Variants in KPNA4 observed in about 807,000 individuals in gnomAD.
KPNA4 encodes karyopherin subunit alpha 4.
Under a neutral mutation model 71.3 loss-of-function variants are expected in KPNA4, and 13 were observed. The observed-to-expected ratio is 0.18, with a 90% CI of 0.12 to 0.29. KPNA4 has a LOEUF of 0.29. Ranked by LOEUF, KPNA4 falls within the 10% of genes least tolerant of loss-of-function variation. The probability of loss-of-function intolerance (pLI) is 1.00; values close to 1 mark genes in which losing one functional copy is unlikely to be tolerated. For synonymous variants in KPNA4, 189 were observed against 195.2 expected (o/e 0.97, Z 0.26); for missense variants, 334 against 603.2 (o/e 0.55, Z 4.67).
At chr3:160,511,101 T>A (rs1267944640) in intron 13 of KPNA4, among the ~76,000 whole-genome samples, 2 of 140,702 alleles carry the variant, frequency 1.4e-5, no homozygotes, top group African/African-American at 2.7e-5. Context: ...CAAGCTATTC[T>A]TTTATTTATT....
In KPNA4 at chr3:160,496,851, G is replaced by A. The variant is rs1720774051; in HGVS notation, c.*5253C>T. ...AACTGCTCTTACACCCAGAGCAGTA[G>A]CTGTCAAGTCAATTTTATTGAAAAT... On this transcript the variant is annotated 3_prime_UTR_variant, in exon 17 of 17. Transcript: ENST00000334256. 6.6e-6 allele frequency: 1 copy of A among 152,152 alleles called. No individual in the cohort carries two copies. The highest frequency in any genetic ancestry group is 2.4e-5 in the African/African-American group (1 of 41,432). The allele number at this position is 152,152 out of a possible 1,614,324, so 9.4% of individuals were successfully genotyped here. A position where few individuals can be genotyped will look rare whatever the true frequency, so the allele number is the denominator to read the frequency against.
rs570267066 is a variant in KPNA4 at position 160,508,043 on chromosome 3, G to A, written c.1372+64C>T. ...AAAATATAGATGTGCTATATTAGTC[G>A]GCAAATAAAGGTAGTTACAAAGAGA... On this transcript the variant is annotated intron_variant, in intron 15 of 16. Transcript: ENST00000334256. 7.8e-5 allele frequency: 98 copies of A among 1,252,108 alleles called. No homozygotes were observed. In the African/African-American group the frequency reaches 1.2e-3, roughly 15 times the overall value. The allele number at this position is 1,252,108 out of a possible 1,614,324, so 77.6% of individuals were successfully genotyped here.
chr3:160,530,960 T>C lies in KPNA4; in HGVS notation c.384-20A>G. On this transcript the variant is annotated intron_variant, in intron 6 of 16. Coordinates refer to ENST00000334256, the MANE Select transcript of KPNA4 (RefSeq NM_002268.5). ...GAAGGACTACAAAAAAAAACAAGTA[T>C]TTTTAAACAGCAGGGATTTTTACAT... 1 of 1,561,252 alleles carries C rather than the reference T, an allele frequency of 6.4e-7. No homozygotes were observed. The highest frequency in any genetic ancestry group is 8.8e-7 in the Non-Finnish European group (1 of 1,141,494).
chr3:160,518,824 G>A (rs1721286819), intron 11 of KPNA4, among the ~76,000 whole-genome samples: 1 of 152,072 alleles, frequency 6.6e-6, no homozygotes, highest in Non-Finnish European at 1.5e-5. Flanking sequence ...TCATGCCATT[G>A]CACTCCAGCC....
chr3:160,535,452 T>C, intron 5 of KPNA4, 61 bp downstream of exon 5: 2 of 1,274,408 alleles, frequency 1.6e-6, no homozygotes, highest in Admixed American at 2.0e-5. Flanking sequence ...ATAGTAAAAA[T>C]TCAAAATAGA....
At chr3:160,555,295 A>G (rs1722114194) in intron 1 of KPNA4, among the ~76,000 whole-genome samples, 2 of 152,174 alleles carry the variant, frequency 1.3e-5, no homozygotes, top group African/African-American at 4.8e-5. Flanking sequence ...CTCAAATATA[A>G]CTGGAATTAT....
At chr3:160,561,109 C>G (rs1722235422) in intron 1 of KPNA4, among the ~76,000 whole-genome samples, 1 of 151,978 alleles carries the variant, frequency 6.6e-6, no homozygotes, top group Admixed American at 6.6e-5. Flanking sequence ...TGGATAATCA[C>G]AAGTTTCTAA....
At chr3:160,527,619 A>G (rs1343315342) in intron 8 of KPNA4, among the ~76,000 whole-genome samples, 1 of 152,158 alleles carries the variant, frequency 6.6e-6, no homozygotes. Context: ...AAAGCTGAGA[A>G]ATAAAAAGGG....
In KPNA4 at chr3:160,565,211, T is replaced by C. The variant is rs1722322948; in HGVS notation, c.69+3A>G. The stretch of plus-strand genomic sequence containing the variant: ...ACCCCTCCGGCGTCGTCCCCGAGTT[T>C]ACCTCCAAGTCGCGGCCTTTGTTCT... On this transcript the variant is annotated splice_donor_region_variant and intron_variant, in intron 1 of 16. Coordinates refer to ENST00000334256, the MANE Select transcript of KPNA4 (RefSeq NM_002268.5). 1 of 1,607,282 alleles carries C rather than the reference T, an allele frequency of 6.2e-7. No individual in the cohort carries two copies. The highest frequency in any genetic ancestry group is 1.7e-4 in the Middle Eastern group (1 of 6,052).
intron 1 of KPNA4, among the ~76,000 whole-genome samples, chr3:160,559,680 G>A (rs556178314): frequency 6.6e-6 from 1 of 152,156 alleles, no homozygotes; most frequent in East Asian, 1.9e-4. Context: ...TAATTATCCT[G>A]AAAAGCCTAT....
At chr3:160,518,869 A>G (rs1721288570) in intron 11 of KPNA4, among the ~76,000 whole-genome samples, 1 of 152,080 alleles carries the variant, frequency 6.6e-6, no homozygotes, top group Non-Finnish European at 1.5e-5. Context: ...ACACACACAC[A>G]AAAAAAGTAA....
intron 1 of KPNA4, among the ~76,000 whole-genome samples, chr3:160,537,143 C>T (rs1464218404): frequency 6.6e-6 from 1 of 151,612 alleles, no homozygotes; most frequent in East Asian, 1.9e-4. Context: ...AATAAAAGAG[C>T]CCATAATCTC....
chr3:160,514,267 C>T, intron 12 of KPNA4, 86 bp from the exon 13 acceptor site: 6 of 835,678 alleles, frequency 7.2e-6, no homozygotes, highest in Non-Finnish European at 1.1e-5. Context: ...CTACACTGTC[C>T]CAATGATTTT....
chr3:160,518,939 G>T (rs1478620104), intron 11 of KPNA4, among the ~76,000 whole-genome samples: 2 of 152,144 alleles, frequency 1.3e-5, no homozygotes, highest in Non-Finnish European at 2.9e-5. Flanking sequence ...TCATTGATCT[G>T]CATGTCTATA....
intron 5 of KPNA4, among the ~76,000 whole-genome samples, chr3:160,535,200 C>A (rs1721663124): frequency 1.3e-5 from 2 of 152,146 alleles, no homozygotes; most frequent in Non-Finnish European, 2.9e-5. Flanking sequence ...TAAAGCTTTA[C>A]AAATAATGTT....
At chr3:160,554,293 GAAC>G (rs1722094138) in intron 1 of KPNA4, among the ~76,000 whole-genome samples, 1 of 152,082 alleles carries the variant, frequency 6.6e-6, no homozygotes, top group African/African-American at 2.4e-5. Flanking sequence ...GTTGTGCATT[GAAC>G]ACCACTATCT....
At chr3:160,514,932 A>T (rs1040000998) in intron 12 of KPNA4, 1 of 518,080 alleles carries the variant, frequency 1.9e-6, no homozygotes, top group Non-Finnish European at 3.9e-6. Context: ...GGACCATTTT[A>T]ATGAACCTGT....
chr3:160,533,825 GA>G, intron 5 of KPNA4, among the ~76,000 whole-genome samples: 1 of 152,188 alleles, frequency 6.6e-6, no homozygotes, highest in South Asian at 2.1e-4. Flanking sequence ...GTGATCCACA[GA>G]TCATACTTTG....
Position 160,565,429 on chromosome 3 carries a change from C to A in KPNA4, c.-147G>T. ...CTTCCTTCCTCCTCTCACCTGCCTCCGCCGCGGCCTTCTCCTCTCCCCGCC... is the reference window on the plus strand; with the variant it reads ...CTTCCTTCCTCCTCTCACCTGCCTCAGCCGCGGCCTTCTCCTCTCCCCGCC... On this transcript the variant is annotated 5_prime_UTR_variant, in exon 1 of 17. Coordinates refer to ENST00000334256, the MANE Select transcript of KPNA4 (RefSeq NM_002268.5). The A allele has an allele frequency of 1.6e-6, 1 of 643,762 alleles. No homozygotes were observed. Among genetic ancestry groups the A allele is most frequent in the Non-Finnish European group, 2.7e-6 (1 of 372,822 alleles). 39.9% of individuals were successfully genotyped at this position (643,762 alleles called of 1,614,324 possible).
Sources: gnomAD v4.1 joint callset for allele counts (sites outside exome capture counted in the v4.1 genomes callset) on GRCh38, gnomAD v4.1.1 for gene constraint, MANE v1.5 for transcripts, NCBI Gene and HGNC (gene_info 2026-07-23, HGNC 2026-07-21) for gene names.